The following SLC9A9 variants were observed in gnomAD, a reference collection of about 807,000 sequenced individuals.
SLC9A9 encodes sodium/hydrogen exchanger 9.
SLC9A9 carries 62 observed loss-of-function variants against 77.8 expected under a neutral mutation model. The observed-to-expected ratio is 0.80, with a 90% confidence interval of 0.65 to 0.98. The LOEUF (loss-of-function observed/expected upper bound fraction) is 0.98, where lower values mean the gene tolerates loss of function less well. Among genes scored for constraint, SLC9A9 ranks in the 50% least tolerant of loss-of-function variants. SLC9A9 has a pLI of 0.00. For missense variants in SLC9A9, 775 were observed against 774.9 expected (o/e 1.00, Z 0.00); for synonymous variants, 320 against 283.5 (o/e 1.13, Z -1.29).
chr3:143,343,214 TA>T (rs2032160652), intron 14 of SLC9A9: 1 of 152,216 alleles, frequency 6.6e-6, no homozygotes. Context: ...AGGTCATGGA[TA>T]TTTTTTTCCC....
intron 14 of SLC9A9, among the ~76,000 whole-genome samples, chr3:143,336,378 C>A (rs774564342): frequency 4.6e-5 from 7 of 152,082 alleles, no homozygotes; most frequent in Non-Finnish European, 1.0e-4. Flanking sequence ...TTTAGCAATC[C>A]CACTTCTGGG....
intron 8 of SLC9A9, among the ~76,000 whole-genome samples, chr3:143,553,003 A>G (rs2036918946): frequency 6.6e-6 from 1 of 152,002 alleles, no homozygotes; most frequent in Non-Finnish European, 1.5e-5. Context: ...GAGAAAGGAG[A>G]CCTTGTTTTC....
In SLC9A9 at chr3:143,652,269, G is replaced by T; in HGVS notation, c.741C>A (p.Ala247=). The change falls in exon 6 of 16, where the codon GCC becomes GCA. Residue 247 remains alanine, a synonymous_variant. Transcript: ENST00000316549. ...CTGGTACTTACTATGTAAGGACTAT[G>T]GCCACTGCATCATTCAACACACTCT... The part of the protein sequence containing the change: ...FGESVLNDAV[A]IVLTYSISIY... 1.2e-6 allele frequency: 2 copies of T among 1,612,496 alleles called. No homozygotes were observed. The highest frequency in any genetic ancestry group is 1.7e-6 in the Non-Finnish European group (2 of 1,179,072).
intron 8 of SLC9A9, among the ~76,000 whole-genome samples, chr3:143,557,116 C>T (rs1248813718): frequency 2.6e-5 from 4 of 152,162 alleles, no homozygotes; most frequent in Middle Eastern, 6.8e-3. Flanking sequence ...GGTAGTTTCC[C>T]CCATGCTGTT....
intron 12 of SLC9A9, among the ~76,000 whole-genome samples, chr3:143,395,163 A>T (rs1576469045): frequency 6.6e-6 from 1 of 152,242 alleles, no homozygotes; most frequent in East Asian, 1.9e-4. Context: ...CCAAAAGAAC[A>T]AAGCTGGAGG....
At chr3:143,701,886 A>G (rs1933811136) in intron 4 of SLC9A9, among the ~76,000 whole-genome samples, 1 of 152,206 alleles carries the variant, frequency 6.6e-6, no homozygotes, top group East Asian at 1.9e-4. Flanking sequence ...CCCAAAAGTC[A>G]AGGATAAAGA....
intron 4 of SLC9A9, among the ~76,000 whole-genome samples, chr3:143,781,914 C>A (rs1298464383): frequency 2.0e-5 from 3 of 152,188 alleles, no homozygotes; most frequent in African/African-American, 7.2e-5. Flanking sequence ...AGATTGACTT[C>A]TATTCCTTTT....
intron 2 of SLC9A9, among the ~76,000 whole-genome samples, chr3:143,817,049 C>T (rs1236060329): frequency 6.7e-6 from 1 of 150,260 alleles, no homozygotes; most frequent in Non-Finnish European, 1.5e-5. Context: ...ATTTCAAATA[C>T]TTTCTTCTAT....
chr3:143,568,979 T>G (rs1033513820), intron 8 of SLC9A9, among the ~76,000 whole-genome samples: 1 of 152,098 alleles, frequency 6.6e-6, no homozygotes, highest in African/African-American at 2.4e-5. Context: ...AACAAGAAAT[T>G]TGTAGGTCTA....
At chr3:143,584,005 G>A (rs1311236948) in intron 6 of SLC9A9, among the ~76,000 whole-genome samples, 1 of 152,132 alleles carries the variant, frequency 6.6e-6, no homozygotes, top group Non-Finnish European at 1.5e-5. Context: ...GGGAGAAGAA[G>A]GAAGAAAAAG....
At chr3:143,767,155 A>G (rs1311848260) in intron 4 of SLC9A9, among the ~76,000 whole-genome samples, 1 of 152,140 alleles carries the variant, frequency 6.6e-6, no homozygotes, top group Admixed American at 6.5e-5. Flanking sequence ...ATATTTCTGC[A>G]GAGGACAGAG....
At chr3:143,397,182 C>T (rs2033750324) in intron 12 of SLC9A9, among the ~76,000 whole-genome samples, 1 of 152,188 alleles carries the variant, frequency 6.6e-6, no homozygotes, top group Admixed American at 6.5e-5. Flanking sequence ...ATACTGACAT[C>T]CTTTGGTAGG....
intron 9 of SLC9A9, among the ~76,000 whole-genome samples, chr3:143,543,711 G>C (rs2036731605): frequency 7.9e-6 from 1 of 125,988 alleles, no homozygotes; most frequent in African/African-American, 3.0e-5. Flanking sequence ...TTGCTGCAAA[G>C]CACATGATTT....
chr3:143,563,015 T>A (rs929839279), intron 8 of SLC9A9, among the ~76,000 whole-genome samples: 1 of 152,136 alleles, frequency 6.6e-6, no homozygotes, highest in Admixed American at 6.6e-5. Context: ...GAGATTTCAG[T>A]GGTGGGTAAG....
chr3:143,438,774 G>T (rs1261808714), intron 12 of SLC9A9, among the ~76,000 whole-genome samples: 2 of 152,156 alleles, frequency 1.3e-5, no homozygotes, highest in African/African-American at 2.4e-5. Flanking sequence ...TGAGTGGGGA[G>T]TGGACCCGAG....
intron 12 of SLC9A9, among the ~76,000 whole-genome samples, chr3:143,456,217 A>G (rs1429250716): frequency 1.3e-5 from 2 of 152,140 alleles, no homozygotes. Context: ...ATATTTACCT[A>G]CTAAACCAGA....
chr3:143,518,512 C>T (rs997241567), intron 9 of SLC9A9, among the ~76,000 whole-genome samples: 1 of 152,230 alleles, frequency 6.6e-6, no homozygotes, highest in Non-Finnish European at 1.5e-5. Context: ...CCCATCGTGT[C>T]CACCGCTGCA....
chr3:143,520,293 C>T (rs1416207430), intron 9 of SLC9A9, among the ~76,000 whole-genome samples: 1 of 152,068 alleles, frequency 6.6e-6, no homozygotes, highest in Non-Finnish European at 1.5e-5. Context: ...GAGACAAAGC[C>T]CTTATTATGA....
chr3:143,358,859 TCAGA>T (rs1424323144), intron 14 of SLC9A9, among the ~76,000 whole-genome samples: 1 of 152,228 alleles, frequency 6.6e-6, no homozygotes, highest in African/African-American at 2.4e-5. Flanking sequence ...TCAATGTCAC[TCAGA>T]CAGAGAATGG....
Sources: allele counts gnomAD v4.1 joint callset (sites outside exome capture counted in the v4.1 genomes callset), GRCh38; gene constraint gnomAD v4.1.1; transcripts MANE v1.5; gene names NCBI Gene and HGNC (gene_info 2026-07-23, HGNC 2026-07-21).